Variants in FANCM observed in about 807,000 individuals in gnomAD.
FANCM encodes the protein Fanconi anemia group M protein.
In FANCM, 140 loss-of-function variants were observed where a neutral mutation model predicts 199.5. That is an observed-to-expected ratio of 0.70 (90% CI 0.61 to 0.81). The LOEUF (loss-of-function observed/expected upper bound fraction) is 0.81. FANCM is among the 30% of genes least tolerant of loss of function. FANCM has a pLI of 0.00. For synonymous variants in FANCM, 840 were observed against 836.8 expected, an observed-to-expected ratio of 1.00 and a Z score of -0.07; for missense variants, 2,410 against 2,421.4, an observed-to-expected ratio of 1.00 and a Z score of 0.10.
chr14:45,157,171 A>G (rs1299055252), intron 8 of FANCM, among the ~76,000 whole-genome samples: 1 of 152,200 alleles, frequency 6.6e-6, no homozygotes, highest in African/African-American at 2.4e-5. Context: ...CAAAAGAAAG[A>G]GCAAACATGT....
At chr14:45,160,425 A>G (rs1245243046) in intron 9 of FANCM, among the ~76,000 whole-genome samples, 4 of 142,560 alleles carry the variant, frequency 2.8e-5, no homozygotes, top group Admixed American at 1.4e-4. Context: ...CGGGTTCAAG[A>G]GACTCTCCTG....
chr14:45,177,098 AATTG>A lies in FANCM; in HGVS notation c.4222+125_4222+128del, dbSNP rs1299596689. On this transcript the variant is annotated intron_variant, in intron 14 of 22. Coordinates refer to ENST00000267430, the MANE Select transcript of FANCM (RefSeq NM_020937.4). ...GTACAATATAAATATTGAATTAGAT[AATTG>A]ATGTGTTATATTTTTCTTAAGATGA... 7 of 648,076 alleles carry A rather than the reference AATTG, an allele frequency of 1.1e-5. No homozygotes were observed. In the African/African-American group the frequency reaches 1.1e-4, roughly 10 times the overall value. 40.1% of individuals were successfully genotyped at this position (648,076 alleles called of 1,614,324 possible). A position where few individuals can be genotyped will look rare whatever the true frequency, so the allele number is the denominator to read the frequency against.
rs115009527 is a variant in FANCM at position 45,171,642 on chromosome 14, C to T, written c.2160+896C>T. Among the ~76,000 whole-genome samples, 901 of 151,660 alleles carry T rather than the reference C, an allele frequency of 5.9e-3. 10 individuals carry two copies. Among genetic ancestry groups the T allele is most frequent in the Admixed American group, 0.021 (327 of 15,214 alleles). On this transcript the variant is annotated intron_variant, in intron 12 of 22. Transcript: ENST00000267430. ...GTCTCCAACTCCATCCAGGTTGCTG[C>T]GAATGTAATAATTTCATTCTTTTTT...
At chr14:45,138,068 G>A (rs1380216286) in intron 2 of FANCM, 1 of 152,150 alleles carries the variant, frequency 6.6e-6, no homozygotes, top group Non-Finnish European at 1.5e-5. Flanking sequence ...GTGGAAAGAT[G>A]ATTTAGATGT....
At position 45,167,089 on chromosome 14, in the gene FANCM, C is replaced by T. The variant is rs561192393; in HGVS notation, c.1928C>T (p.Thr643Ile). Residue 643 changes from threonine (T) to isoleucine (I), a missense_variant, in exon 11 of 23, where the codon ACA becomes ATA. Thr to Ile is a moderately conservative substitution (Grantham distance 89). Coordinates refer to ENST00000267430, the MANE Select transcript of FANCM (RefSeq NM_020937.4). ...INPKLHKMFI[T>I]HGVYEPEKPS... ...CCAAAATTACACAAAATGTTCATCA[C>T]ACATGGTGTCTATGAACCAGAGAAG... 3 of 1,613,328 alleles carry T rather than the reference C, an allele frequency of 1.9e-6. No homozygotes were observed. The highest frequency in any genetic ancestry group is 1.7e-5 in the Admixed American group (1 of 60,014).
Position 45,176,690 on chromosome 14 carries a change from G to T in FANCM, c.3936G>T (p.Leu1312=). ...MQNPNYVHLP[L]SAAKNEELLS... Reference sequence around the variant, plus strand: ...ATCCAAATTATGTACATTTGCCACTGAGTGCAGCAAAAAATGAAGAATTGT... The same window carrying T: ...ATCCAAATTATGTACATTTGCCACTTAGTGCAGCAAAAAATGAAGAATTGT... Residue 1312 remains leucine (L), a synonymous_variant, in exon 14 of 23, where the codon CTG becomes CTT. Transcript: ENST00000267430. 1 of 1,613,694 alleles carries T rather than the reference G, an allele frequency of 6.2e-7. No individual in the cohort carries two copies. The highest frequency in any genetic ancestry group is 1.1e-5 in the South Asian group (1 of 91,030).
chr14:45,188,115 G>C (rs1390522462), intron 19 of FANCM, among the ~76,000 whole-genome samples: 1 of 152,190 alleles, frequency 6.6e-6, no homozygotes, highest in Non-Finnish European at 1.5e-5. Flanking sequence ...GATGCTGGTA[G>C]ATCACCGGAG....
At chr14:45,199,654 T>C (rs1205737898) in intron 22 of FANCM, among the ~76,000 whole-genome samples, 2 of 152,256 alleles carry the variant, frequency 1.3e-5, no homozygotes, top group African/African-American at 2.4e-5. Flanking sequence ...AACATTCAGT[T>C]CATTGAAGAT....
At chr14:45,198,573 ATAAAG>A in intron 21 of FANCM, 66 bp from the exon 22 acceptor site, 1 of 856,068 alleles carries the variant, frequency 1.2e-6, no homozygotes. Flanking sequence ...TTTTAATAAA[ATAAAG>A]TATATTAATA....
At chr14:45,141,140 T>G (rs1211683212) in intron 3 of FANCM, among the ~76,000 whole-genome samples, 1 of 151,134 alleles carries the variant, frequency 6.6e-6, no homozygotes, top group African/African-American at 2.4e-5. Context: ...TACAAAAAAT[T>G]AACCGGGCGT....
intron 13 of FANCM, among the ~76,000 whole-genome samples, chr14:45,174,293 AG>A (rs1391540126): frequency 6.6e-6 from 1 of 152,100 alleles, no homozygotes; most frequent in Non-Finnish European, 1.5e-5. Flanking sequence ...AGGCTGAGGC[AG>A]GAGAGTCACT....
At position 45,174,311 on chromosome 14, in the gene FANCM, C is replaced by T. The variant is rs569143730; in HGVS notation, c.2317-760C>T. On this transcript the variant is annotated intron_variant, in intron 13 of 22. Coordinates refer to ENST00000267430, the MANE Select transcript of FANCM (RefSeq NM_020937.4). ...CTGAGGCAGGAGAGTCACTTGAACC[C>T]GGGAAGCGGAGGTTGCAGTGAGCCA... Among the ~76,000 whole-genome samples, 10 of 151,646 alleles carry T rather than the reference C, an allele frequency of 6.6e-5. No individual in the cohort carries two copies. In the East Asian group the frequency reaches 1.7e-3, roughly 27 times the overall value.
chr14:45,171,461 A>G (rs1888334894), intron 12 of FANCM, among the ~76,000 whole-genome samples: 1 of 151,992 alleles, frequency 6.6e-6, no homozygotes, highest in South Asian at 2.1e-4. Flanking sequence ...ATAGTCTTTT[A>G]TCCCTTGCCC....
Position 45,175,286 on chromosome 14 carries a change from T to A in FANCM, c.2532T>A (p.His844Gln), listed in dbSNP as rs780225841. Residue 844 changes from histidine (H) to glutamine (Q), a missense_variant, in exon 14 of 23, where the codon CAT becomes CAA. Physicochemically the swap from His to Gln is conservative, Grantham distance 24. Coordinates refer to ENST00000267430, the MANE Select transcript of FANCM (RefSeq NM_020937.4). ...GTGCTGAAATTGTTAAACAAACTCATATCAAACCTACTAAAATTGTTTCTT... is the reference window on the plus strand; with the variant it reads ...GTGCTGAAATTGTTAAACAAACTCAAATCAAACCTACTAAAATTGTTTCTT... ...EECAEIVKQT[H>Q]IKPTKIVSLK... 2 of 1,587,332 alleles carry A rather than the reference T, an allele frequency of 1.3e-6. No individual in the cohort carries two copies.
At position 45,200,499 on chromosome 14, in the gene FANCM, A is replaced by T. The variant is rs931205005; in HGVS notation, c.*491A>T. 1 of 153,478 alleles carries T rather than the reference A, an allele frequency of 6.5e-6. No homozygotes were observed. Among genetic ancestry groups the T allele is most frequent in the Non-Finnish European group, 1.4e-5 (1 of 69,068 alleles). 9.5% of individuals were successfully genotyped at this position (153,478 alleles called of 1,614,324 possible). The stretch of plus-strand genomic sequence containing the variant: ...TAAATGACCCAGTAACTAGGAAAGT[A>T]GAAAACTTAACTGAATGTTTATCTG... On this transcript the variant is annotated 3_prime_UTR_variant, in exon 23 of 23. Coordinates refer to ENST00000267430, the MANE Select transcript of FANCM (RefSeq NM_020937.4).
chr14:45,178,133 A>C (rs1888830627), intron 14 of FANCM, among the ~76,000 whole-genome samples: 1 of 152,240 alleles, frequency 6.6e-6, no homozygotes, highest in Non-Finnish European at 1.5e-5. Flanking sequence ...TCTTTTCCTT[A>C]CATTATTCTC....
At chr14:45,181,829 G>T (rs972175617) in intron 16 of FANCM, 124 bp downstream of exon 16, 1 of 666,466 alleles carries the variant, frequency 1.5e-6, no homozygotes. Flanking sequence ...ATATTCTATT[G>T]TATGTGATTG....
intron 4 of FANCM, among the ~76,000 whole-genome samples, chr14:45,149,216 A>T (rs1886647343): frequency 6.6e-6 from 1 of 152,168 alleles, no homozygotes; most frequent in Non-Finnish European, 1.5e-5. Context: ...GGCCATTTGT[A>T]AAGCAAATAA....
chr14:45,191,910 CT>C (rs1326089146), intron 20 of FANCM, among the ~76,000 whole-genome samples: 2 of 152,054 alleles, frequency 1.3e-5, no homozygotes, highest in Non-Finnish European at 2.9e-5. Flanking sequence ...GCAGCCTAGA[CT>C]TTTTTTCTTT....
Sources: allele counts gnomAD v4.1 joint callset (sites outside exome capture counted in the v4.1 genomes callset), GRCh38; gene constraint gnomAD v4.1.1; transcripts MANE v1.5; gene names NCBI Gene and HGNC (gene_info 2026-07-23, HGNC 2026-07-21).